CHD9: variants seen among roughly 807,000 people sequenced by gnomAD.
CHD9 encodes chromodomain helicase DNA binding protein 9, also known as ATP-dependent chromatin remodeler CHD9.
CHD9 carries 77 observed loss-of-function variants against 316.1 expected under a neutral mutation model. That is an observed-to-expected ratio of 0.24 (90% CI 0.20 to 0.29). The LOEUF (loss-of-function observed/expected upper bound fraction) is 0.29, where lower values mean the gene tolerates loss of function less well. Ranked by LOEUF, CHD9 falls within the 10% of genes least tolerant of loss-of-function variation. The probability of loss-of-function intolerance (pLI) is 1.00; values close to 1 mark genes in which losing one functional copy is unlikely to be tolerated. For synonymous variants in CHD9, 1,129 were observed against 1,158.3 expected (o/e 0.97, Z 0.51); for missense variants, 2,763 against 3,438.1 (o/e 0.80, Z 4.91).
intron 24 of CHD9, among the ~76,000 whole-genome samples, chr16:53,283,168 G>C (rs995632216): frequency 1.3e-5 from 2 of 152,032 alleles, no homozygotes; most frequent in African/African-American, 4.8e-5. Context: ...TAACCTCTCA[G>C]ATCTGGGTTA....
chr16:53,277,533 C>T (rs1338450879), intron 24 of CHD9, among the ~76,000 whole-genome samples: 1 of 152,082 alleles, frequency 6.6e-6, no homozygotes, highest in Non-Finnish European at 1.5e-5. Flanking sequence ...AAGCATTTGA[C>T]GAAATCCAGC....
intron 1 of CHD9, among the ~76,000 whole-genome samples, chr16:53,122,544 C>CCTTT (rs1051954207): frequency 7.7e-6 from 1 of 129,876 alleles, no homozygotes; most frequent in African/African-American, 2.8e-5. Flanking sequence ...CTGGGAATCC[C>CCTTT]TTTTTTTTTT....
chr16:53,319,802 C>T (rs976416873), intron 37 of CHD9: 2 of 1,255,514 alleles, frequency 1.6e-6, no homozygotes, highest in South Asian at 1.3e-5. Context: ...TCTTGAGTCT[C>T]TCGGGTACAG....
chr16:53,096,091 A>G (rs999173373), intron 1 of CHD9, among the ~76,000 whole-genome samples: 1 of 151,352 alleles, frequency 6.6e-6, no homozygotes, highest in African/African-American at 2.4e-5. Flanking sequence ...AGGGTCTCTA[A>G]AACTCAGGCT....
At chr16:53,304,688 CTTTTCTTTTTT>C (rs2055771575) in intron 31 of CHD9, 63 bp downstream of exon 31, 10 of 795,116 alleles carry the variant, frequency 1.3e-5, no homozygotes, top group East Asian at 4.7e-5. Context: ...CTTTTCTTTT[CTTTTCTTTTTT>C]TTTTTTTTTT....
At chr16:53,224,477 T>C (rs1163772106) in intron 4 of CHD9, among the ~76,000 whole-genome samples, 2 of 152,148 alleles carry the variant, frequency 1.3e-5, no homozygotes, top group South Asian at 4.1e-4. Context: ...AAAGTCTTTG[T>C]AGGATGAGGG....
At chr16:53,137,578 T>G (rs2039814267) in intron 1 of CHD9, among the ~76,000 whole-genome samples, 1 of 152,232 alleles carries the variant, frequency 6.6e-6, no homozygotes, top group Admixed American at 6.5e-5. Flanking sequence ...CATTTAATTG[T>G]ATGATTTGAT....
chr16:53,214,663 C>T (rs1009557175), intron 3 of CHD9, among the ~76,000 whole-genome samples: 2 of 151,790 alleles, frequency 1.3e-5, no homozygotes, highest in African/African-American at 4.8e-5. Flanking sequence ...TAACTTATTG[C>T]GAATTTCAAA....
intron 10 of CHD9, among the ~76,000 whole-genome samples, chr16:53,234,368 AAT>A (rs2048433886): frequency 6.6e-6 from 1 of 152,122 alleles, no homozygotes; most frequent in Admixed American, 6.6e-5. Context: ...TACAATGTTG[AAT>A]AGAAGTTGTC....
intron 29 of CHD9, among the ~76,000 whole-genome samples, chr16:53,296,580 A>G (rs2054820560): frequency 1.3e-5 from 2 of 151,760 alleles, no homozygotes; most frequent in East Asian, 3.9e-4. Context: ...AGCTGGGACT[A>G]CAGGCGCCCG....
intron 22 of CHD9, among the ~76,000 whole-genome samples, chr16:53,269,245 A>G (rs1415481398): frequency 3.3e-5 from 5 of 152,062 alleles, no homozygotes; most frequent in African/African-American, 4.8e-5. Flanking sequence ...ATTATTTTAT[A>G]GCATAAAATA....
chr16:53,188,125 C>T (rs2044182740), intron 2 of CHD9, among the ~76,000 whole-genome samples: 1 of 152,136 alleles, frequency 6.6e-6, no homozygotes, highest in Non-Finnish European at 1.5e-5. Flanking sequence ...GGCTTCTTAG[C>T]ATAATATTTT....
In CHD9 at chr16:53,254,445, C is replaced by G; in HGVS notation, c.3869C>G (p.Ala1290Gly). ...AACTTTTCATTTTTATAGGCCCAAG[C>G]TCGTTGCCACAGAATTGGTCAGAAC... ...WNPQNDLQAQ[A>G]RCHRIGQNKA... The change falls in exon 18 of 39, where the codon GCT becomes GGT. Residue 1290 changes from alanine (A) to glycine (G), a missense_variant. By Grantham distance (60) the Ala-to-Gly change is moderately conservative (BLOSUM62 0). This residue lies in a region of CHD9 where 199 missense variants were observed against 251.7 expected (regional missense o/e 0.79). Coordinates refer to ENST00000447540, the MANE Select transcript of CHD9 (RefSeq NM_001308319.2). 1 of 1,566,348 alleles carries G rather than the reference C, an allele frequency of 6.4e-7. No individual in the cohort carries two copies.
chr16:53,246,609 T>A (rs1422429622), intron 15 of CHD9, among the ~76,000 whole-genome samples: 2 of 152,118 alleles, frequency 1.3e-5, no homozygotes, highest in Non-Finnish European at 2.9e-5. Context: ...AGCCTCAAGC[T>A]CCTGGAAACT....
At chr16:53,149,023 T>C (rs1424580679) in intron 1 of CHD9, among the ~76,000 whole-genome samples, 1 of 152,230 alleles carries the variant, frequency 6.6e-6, no homozygotes, top group African/African-American at 2.4e-5. Flanking sequence ...CTTAGACCCA[T>C]TGATTGTGTG....
chr16:53,068,104 C>T (rs1001636388), intron 1 of CHD9, among the ~76,000 whole-genome samples: 1 of 152,028 alleles, frequency 6.6e-6, no homozygotes, highest in Non-Finnish European at 1.5e-5. Flanking sequence ...GGATTCCTAC[C>T]CCACTTCCAT....
intron 2 of CHD9, among the ~76,000 whole-genome samples, chr16:53,206,406 A>C (rs984327075): frequency 2.0e-5 from 3 of 151,696 alleles, no homozygotes; most frequent in Non-Finnish European, 2.9e-5. Context: ...GTATCTCTGC[A>C]ATTTTGAGAA....
Position 53,096,953 on chromosome 16 carries a change from AGTGGAT to A in CHD9, c.-165+41877_-165+41882del, listed in dbSNP as rs1289314488. ...ACCCATTATAACCCATTAATCCATGAGTGGATTAATCCACTCATGGATTAACCCATT... is the reference window on the plus strand; with the variant it reads ...ACCCATTATAACCCATTAATCCATGATAATCCACTCATGGATTAACCCATT... On this transcript the variant is annotated intron_variant, in intron 1 of 38. Transcript: ENST00000447540. Among the ~76,000 whole-genome samples, 7 of 151,994 alleles carry A rather than the reference AGTGGAT, an allele frequency of 4.6e-5. No individual in the cohort carries two copies. In the East Asian group the frequency reaches 1.4e-3, roughly 30 times the overall value.
chr16:53,164,019 G>C (rs922884223), intron 2 of CHD9, among the ~76,000 whole-genome samples: 3 of 152,198 alleles, frequency 2.0e-5, no homozygotes, highest in Admixed American at 2.0e-4. Context: ...CCAGTAAATG[G>C]CCATACTGGA....
Sources: allele counts gnomAD v4.1 joint callset (sites outside exome capture counted in the v4.1 genomes callset), GRCh38; gene constraint gnomAD v4.1.1; regional missense constraint gnomAD v4.1.1; transcripts MANE v1.5; gene names NCBI Gene and HGNC (gene_info 2026-07-23, HGNC 2026-07-21).